The following PKN2 variants were observed in gnomAD, a reference collection of about 807,000 sequenced individuals.
PKN2 encodes protein kinase N2, also known as serine/threonine-protein kinase N2.
A neutral mutation model predicts 119.1 loss-of-function variants in PKN2; 38 were observed. The observed-to-expected ratio is 0.32, with a 90% CI of 0.25 to 0.42. The LOEUF is 0.42. Among genes scored for constraint, PKN2 ranks in the 10% least tolerant of loss-of-function variants. PKN2 has a pLI of 1.00. For synonymous variants in PKN2, 390 were observed against 384.9 expected, an observed-to-expected ratio of 1.01 and a Z score of -0.15; for missense variants, 850 against 1,165.1, an observed-to-expected ratio of 0.73 and a Z score of 3.94.
At chr1:88,698,428 C>T (rs186631503) in intron 1 of PKN2, among the ~76,000 whole-genome samples, 1 of 152,268 alleles carries the variant, frequency 6.6e-6, no homozygotes, top group Non-Finnish European at 1.5e-5. Flanking sequence ...GGTTGTTTTT[C>T]AAAGCAATCT....
Position 88,833,622 on chromosome 1 carries a change from C to T in PKN2, c.*174C>T. The stretch of plus-strand genomic sequence containing the variant: ...CATTCTAATACTTCTTCAAAAGTGG[C>T]TCCTCATTGTACTTCAGCGTAAATA... On this transcript the variant is annotated 3_prime_UTR_variant, in exon 22 of 22. Coordinates refer to ENST00000370521, the MANE Select transcript of PKN2 (RefSeq NM_006256.4). The T allele has an allele frequency of 3.4e-6, 2 of 589,484 alleles. No individual in the cohort carries two copies. Among genetic ancestry groups the T allele is most frequent in the Non-Finnish European group, 3.0e-6 (1 of 334,698 alleles). The allele number at this position is 589,484 out of a possible 1,614,324, so 36.5% of individuals were successfully genotyped here.
At chr1:88,744,976 C>G (rs980465385) in intron 2 of PKN2, among the ~76,000 whole-genome samples, 4 of 152,150 alleles carry the variant, frequency 2.6e-5, no homozygotes, top group African/African-American at 9.7e-5. Context: ...TGTTCATCTT[C>G]TAAATACTTT....
At chr1:88,770,967 G>T (rs1232065155) in intron 4 of PKN2, among the ~76,000 whole-genome samples, 2 of 150,572 alleles carry the variant, frequency 1.3e-5, no homozygotes, top group African/African-American at 4.9e-5. Flanking sequence ...GTTTCAAGAA[G>T]ATATTGATCT....
chr1:88,827,418 C>T (rs1341103555), intron 18 of PKN2, among the ~76,000 whole-genome samples: 1 of 151,860 alleles, frequency 6.6e-6, no homozygotes, highest in Non-Finnish European at 1.5e-5. Flanking sequence ...ATATATGTTT[C>T]ATATATACCT....
chr1:88,781,776 C>T (rs1670355881), intron 6 of PKN2, among the ~76,000 whole-genome samples: 1 of 152,008 alleles, frequency 6.6e-6, no homozygotes, highest in Admixed American at 6.6e-5. Flanking sequence ...TTCAGTTTCC[C>T]CAGGATGCAT....
intron 1 of PKN2, among the ~76,000 whole-genome samples, chr1:88,729,678 T>TAGA (rs1175668702): frequency 6.6e-6 from 1 of 152,186 alleles, no homozygotes; most frequent in African/African-American, 2.4e-5. Flanking sequence ...TGCACATCAG[T>TAGA]AGAATGTCAC....
intron 18 of PKN2, among the ~76,000 whole-genome samples, chr1:88,828,267 T>A (rs1463784423): frequency 6.6e-6 from 1 of 152,238 alleles, no homozygotes; most frequent in Non-Finnish European, 1.5e-5. Context: ...ATATCTTATT[T>A]CTATTTACCC....
intron 3 of PKN2, among the ~76,000 whole-genome samples, chr1:88,763,332 A>G (rs55916990): frequency 0.11 from 16,980 of 152,144 alleles, 1,961 homozygotes; most frequent in African/African-American, 0.3. Context: ...ATCCGGCCAC[A>G]TGTGGTGACT....
intron 2 of PKN2, among the ~76,000 whole-genome samples, chr1:88,747,725 A>C (rs977135245): frequency 2.0e-5 from 3 of 151,924 alleles, no homozygotes; most frequent in Non-Finnish European, 4.4e-5. Context: ...CCAAACTTAG[A>C]TTGGTTTTTA....
At chr1:88,694,954 C>T (rs997483490) in intron 1 of PKN2, among the ~76,000 whole-genome samples, 3 of 152,044 alleles carry the variant, frequency 2.0e-5, no homozygotes, top group Non-Finnish European at 2.9e-5. Flanking sequence ...AGTGAAACCC[C>T]GTCTGTACTA....
At position 88,733,385 on chromosome 1, in the gene PKN2, G is replaced by C. The variant is rs560267521; in HGVS notation, c.49-7603G>C. Among the ~76,000 whole-genome samples the C allele has an allele frequency of 2.6e-5, 4 of 152,266 alleles. No homozygotes were observed. The East Asian group carries it at 5.8e-4, about 22-fold the overall frequency. ...TTTTTGAGAGTACCTATTCTAACTA[G>C]AGTGATGTGATATCTCATTATAGTT... On this transcript the variant is annotated intron_variant, in intron 1 of 21. Coordinates refer to ENST00000370521, the MANE Select transcript of PKN2 (RefSeq NM_006256.4).
intron 2 of PKN2, among the ~76,000 whole-genome samples, 182 bp downstream of exon 2, chr1:88,741,470 G>A (rs542868948): frequency 6.6e-6 from 1 of 152,124 alleles, no homozygotes; most frequent in East Asian, 1.9e-4. Context: ...TGATAGGTAT[G>A]GAAATTGAAA....
chr1:88,749,582 C>G (rs1668906683), intron 2 of PKN2, among the ~76,000 whole-genome samples: 2 of 152,146 alleles, frequency 1.3e-5, no homozygotes, highest in African/African-American at 2.4e-5. Context: ...ATTAAGCCTC[C>G]TTTAATTATT....
intron 2 of PKN2, 112 bp downstream of exon 2, chr1:88,741,400 G>A: frequency 1.5e-6 from 1 of 655,662 alleles, no homozygotes. Context: ...TCTGAAAGTA[G>A]AGAGACTTTT....
chr1:88,694,244 C>T (rs1204702830), intron 1 of PKN2, among the ~76,000 whole-genome samples: 1 of 152,164 alleles, frequency 6.6e-6, no homozygotes, highest in Non-Finnish European at 1.5e-5. Flanking sequence ...AGTGTCCCTG[C>T]ACTAAGCTTA....
At chr1:88,771,946 TG>T in intron 6 of PKN2, 67 bp downstream of exon 6, 1 of 1,049,806 alleles carries the variant, frequency 9.5e-7, no homozygotes, top group Non-Finnish European at 1.4e-6. Context: ...ATTTAATAAT[TG>T]AAAGAAAAAC....
At chr1:88,790,281 C>T (rs1439637099) in intron 8 of PKN2, among the ~76,000 whole-genome samples, 2 of 152,150 alleles carry the variant, frequency 1.3e-5, no homozygotes, top group Admixed American at 1.3e-4. Context: ...CCTTCATTTT[C>T]ATGCTGAGAA....
chr1:88,731,402 A>G (rs1021939098), intron 1 of PKN2, among the ~76,000 whole-genome samples: 4 of 152,206 alleles, frequency 2.6e-5, no homozygotes, highest in Non-Finnish European at 4.4e-5. Flanking sequence ...ATGCAAATCA[A>G]TCTGGTCAAG....
At chr1:88,694,988 G>T (rs918917721) in intron 1 of PKN2, among the ~76,000 whole-genome samples, 1 of 152,116 alleles carries the variant, frequency 6.6e-6, no homozygotes, top group Non-Finnish European at 1.5e-5. Flanking sequence ...TTAGCCGGGC[G>T]TGGTGGCGGG....
Sources: allele counts gnomAD v4.1 joint callset (sites outside exome capture counted in the v4.1 genomes callset), GRCh38; gene constraint gnomAD v4.1.1; transcripts MANE v1.5; gene names NCBI Gene and HGNC (gene_info 2026-07-23, HGNC 2026-07-21).